NIPAL3: variants seen among roughly 807,000 people sequenced by gnomAD.
The protein encoded by NIPAL3 is NIPA-like protein 3.
A neutral mutation model predicts 47.2 loss-of-function variants in NIPAL3; 41 were observed. The ratio of observed to expected loss-of-function variants is 0.87; its 90% confidence interval spans 0.68 to 1.13. NIPAL3 has a LOEUF of 1.13. Ranked by LOEUF, NIPAL3 falls within the 50% of genes most tolerant of loss-of-function variation. NIPAL3 has a pLI of 0.00. For missense variants in NIPAL3, 449 were observed against 530.1 expected (o/e 0.85, Z 1.50); for synonymous variants, 194 against 209.6 (o/e 0.93, Z 0.64).
chr1:24,415,940 G>T (rs768708017), intron 1 of NIPAL3, 36 bp downstream of exon 1: 44 of 984,102 alleles, frequency 4.5e-5, no homozygotes, highest in Non-Finnish European at 5.3e-5. Flanking sequence ...AAGGGGAATT[G>T]AATTTAACCT....
chr1:24,451,552 A>T lies in NIPAL3; in HGVS notation c.541-1856A>T, dbSNP rs1369388065. On this transcript the variant is annotated intron_variant, in intron 6 of 11. Transcript: ENST00000374399. The surrounding 1 kb of genome is among the most constrained non-coding windows in gnomAD (Gnocchi z 4.5). ...CTCTATTTGGAAAAAAAAAAGTAAA[A>T]ATTAGCCAGGTGTGGTGATGCATGC... is the stretch of plus-strand genomic sequence containing the variant. Among the ~76,000 whole-genome samples the T allele has an allele frequency of 6.6e-6, 1 of 151,862 alleles. No individual in the cohort carries two copies. Among genetic ancestry groups the T allele is most frequent in the Non-Finnish European group, 1.5e-5 (1 of 67,972 alleles).
Position 24,469,270 on chromosome 1 carries a change from A to C in NIPAL3, c.*85A>C. ...TCCTAAAACTTGCCTTTCAAGTCTC[A>C]TTTTGTTTCTAACTGAGAACTCTAT... On this transcript the variant is annotated 3_prime_UTR_variant, in exon 12 of 12. Coordinates refer to ENST00000374399, the MANE Select transcript of NIPAL3 (RefSeq NM_020448.5). 42 of 1,159,740 alleles carry C rather than the reference A, an allele frequency of 3.6e-5. No individual in the cohort carries two copies. Among genetic ancestry groups the C allele is most frequent in the Non-Finnish European group, 4.3e-5 (36 of 828,152 alleles). The allele number at this position is 1,159,740 out of a possible 1,614,324, so 71.8% of individuals were successfully genotyped here. A position where few individuals can be genotyped will look rare whatever the true frequency, so the allele number is the denominator to read the frequency against.
intron 2 of NIPAL3, among the ~76,000 whole-genome samples, chr1:24,428,258 A>AAGAGAGAGAGAG (rs56082168): frequency 0.047 from 5,618 of 118,830 alleles, 148 homozygotes; most frequent in Non-Finnish European, 0.057. Context: ...CTCAAAAAGA[A>AAGAGAGAGAGAG]AGAGAGAGAG....
At position 24,470,189 on chromosome 1, in the gene NIPAL3, T is replaced by C. The variant is rs910587007; in HGVS notation, c.*1004T>C. The stretch of plus-strand genomic sequence containing the variant: ...GAGACTCTCTGGGTCCTCATCCCCA[T>C]GCATATATGTCTGGGAGAAGCAAGC... On this transcript the variant is annotated 3_prime_UTR_variant, in exon 12 of 12. Transcript: ENST00000374399. 2 of 152,206 alleles carry C rather than the reference T, an allele frequency of 1.3e-5. No homozygotes were observed. Among genetic ancestry groups the C allele is most frequent in the African/African-American group, 4.8e-5 (2 of 41,446 alleles). The allele number at this position is 152,206 out of a possible 1,614,324, so 9.4% of individuals were successfully genotyped here. A position where few individuals can be genotyped will look rare whatever the true frequency, so the allele number is the denominator to read the frequency against.
intron 2 of NIPAL3, among the ~76,000 whole-genome samples, chr1:24,425,909 C>G (rs1644564882): frequency 6.6e-6 from 1 of 152,180 alleles, no homozygotes; most frequent in South Asian, 2.1e-4. Flanking sequence ...TGTCAGTCTT[C>G]CTGGCAATAA....
upstream of NIPAL3, chr1:24,413,883 G>GTA (rs2148723921): frequency 6.6e-6 from 1 of 152,358 alleles, no homozygotes; most frequent in Admixed American, 6.5e-5. Flanking sequence ...TTAGGGCTTA[G>GTA]GTTAATTACA....
In NIPAL3 at chr1:24,429,942, G is replaced by C. The variant is rs142817275; in HGVS notation, c.94-10230G>C. Among the ~76,000 whole-genome samples, 75 of 152,268 alleles carry C rather than the reference G, an allele frequency of 4.9e-4. No homozygotes were observed. The Middle Eastern group carries it at 0.014, about 28-fold the overall frequency. On this transcript the variant is annotated intron_variant, in intron 2 of 11. Transcript: ENST00000374399. ...TTCCTTGGATATGAGGTTCAGAAGA[G>C]TTTATTTATTGGTATGATTGACTGA...
Position 24,416,288 on chromosome 1 carries a change from T to G in NIPAL3, c.-258+384T>G. ...GCCCGCTTCTGGAACAGAGGTGCTG[T>G]CTCCTCGAGTTGTAAGTTTCCAGCT... On this transcript the variant is annotated intron_variant, in intron 1 of 11. Transcript: ENST00000374399. The surrounding 1 kb of genome is among the most constrained non-coding windows in gnomAD (Gnocchi z 4.8). The G allele has an allele frequency of 1.0e-6, 1 of 985,360 alleles. No homozygotes were observed. The highest frequency in any genetic ancestry group is 1.2e-6 in the Non-Finnish European group (1 of 829,936). The allele number at this position is 985,360 out of a possible 1,614,324, so 61.0% of individuals were successfully genotyped here.
At chr1:24,424,447 C>T (rs1021466393) in intron 2 of NIPAL3, among the ~76,000 whole-genome samples, 1 of 152,096 alleles carries the variant, frequency 6.6e-6, no homozygotes, top group Admixed American at 6.5e-5. Flanking sequence ...ACGGGGTTTC[C>T]AAGAGGAACA....
intron 11 of NIPAL3, chr1:24,465,071 G>C (rs1338965582): frequency 6.6e-6 from 1 of 152,186 alleles, no homozygotes; most frequent in Non-Finnish European, 1.5e-5. Context: ...TCTTGCTGTA[G>C]CCAGCCTGCC....
upstream of NIPAL3, chr1:24,414,985 C>T (rs1643953528): frequency 6.6e-6 from 1 of 152,226 alleles, no homozygotes; most frequent in Admixed American, 6.5e-5. Context: ...GGAGCTTTCT[C>T]TGCCCCACGA....
At chr1:24,418,390 G>A (rs1245789901) in intron 1 of NIPAL3, among the ~76,000 whole-genome samples, 1 of 152,104 alleles carries the variant, frequency 6.6e-6, no homozygotes, top group African/African-American at 2.4e-5. Context: ...TAGCACTTTG[G>A]GAGGCTGAGG....
At chr1:24,440,880 T>A (rs1350299853) in intron 3 of NIPAL3, among the ~76,000 whole-genome samples, 1 of 152,142 alleles carries the variant, frequency 6.6e-6, no homozygotes, top group Non-Finnish European at 1.5e-5. Flanking sequence ...GATTCTAAGG[T>A]GAGATTCACA....
intron 3 of NIPAL3, among the ~76,000 whole-genome samples, chr1:24,441,795 G>C (rs968788368): frequency 1.3e-5 from 2 of 152,116 alleles, no homozygotes; most frequent in Admixed American, 1.3e-4. Context: ...ACTGACTCAG[G>C]ATGAGGCCCA....
chr1:24,469,150 C>G lies in NIPAL3; in HGVS notation c.1186C>G (p.Pro396Ala), dbSNP rs750515682. Reference sequence around the variant, plus strand: ...CGGCTCCAGAAGTGCCTCTGGGGTCCCCTACCGAGTCCTAGAGCACACCAA... The same window carrying G: ...CGGCTCCAGAAGTGCCTCTGGGGTCGCCTACCGAGTCCTAGAGCACACCAA... ...EHGSRSASGV[P>A]YRVLEHTKKE The change falls in exon 12 of 12, where the codon CCC (proline) becomes GCC (alanine). Residue 396 changes from proline to alanine, a missense_variant. Physicochemically the swap from Pro to Ala is conservative, Grantham distance 27 (BLOSUM62 -1). Coordinates refer to ENST00000374399, the MANE Select transcript of NIPAL3 (RefSeq NM_020448.5). 74 of 1,613,906 alleles carry G rather than the reference C, an allele frequency of 4.6e-5. No homozygotes were observed. The highest frequency in any genetic ancestry group is 5.8e-5 in the Non-Finnish European group (68 of 1,180,032).
chr1:24,436,670 A>AT (rs1399133826), intron 2 of NIPAL3, among the ~76,000 whole-genome samples: 20 of 150,996 alleles, frequency 1.3e-4, no homozygotes, highest in Admixed American at 3.9e-4. Context: ...TGGGTTGTTT[A>AT]TTTTTTTTGG....
At chr1:24,457,897 TC>T (rs572787710) in intron 8 of NIPAL3, 3 of 484,488 alleles carry the variant, frequency 6.2e-6, no homozygotes, top group Non-Finnish European at 1.3e-5. Context: ...TTATTTTTGG[TC>T]CCACTACAAC....
intron 3 of NIPAL3, among the ~76,000 whole-genome samples, chr1:24,441,610 C>G (rs115933144): frequency 1.3e-5 from 2 of 152,044 alleles, no homozygotes; most frequent in African/African-American, 2.4e-5. Context: ...AGGAGTGTGC[C>G]GAACACACAG....
At position 24,460,540 on chromosome 1, in the gene NIPAL3, C is replaced by A. The variant is rs572480680; in HGVS notation, c.922C>A (p.Leu308Met). Residue 308 changes from leucine (L) to methionine (M), a missense_variant, in exon 10 of 12, where the codon CTG becomes ATG. Transcript: ENST00000374399. ...CGTGCTGCACATCTGCATGTTTGCA[C>A]TGGGGTGAGTTCTGTCCTGCTTGCC... Reference protein sequence around the residue: ...EDVLHICMFALGCLIAFLGVF... With the variant: ...EDVLHICMFAMGCLIAFLGVF... 6.3e-6 allele frequency: 10 copies of A among 1,580,904 alleles called. No homozygotes were observed. The highest frequency in any genetic ancestry group is 4.8e-5 in the East Asian group (2 of 41,882).
Sources: gnomAD v4.1 joint callset for allele counts (sites outside exome capture counted in the v4.1 genomes callset) on GRCh38, gnomAD v4.1.1 for gene constraint, Gnocchi (gnomAD v3.1) non-coding constraint, MANE v1.5 for transcripts, NCBI Gene and HGNC (gene_info 2026-07-23, HGNC 2026-07-21) for gene names.